STN1: variants seen among roughly 807,000 people sequenced by gnomAD.
STN1 encodes the protein STN1 subunit of CST complex, also known as CST complex subunit STN1.
STN1 carries 29 observed loss-of-function variants against 45.5 expected under a neutral mutation model. The ratio of observed to expected loss-of-function variants is 0.64; its 90% confidence interval spans 0.47 to 0.87. The LOEUF is 0.87. Ranked by LOEUF, STN1 falls within the 40% of genes least tolerant of loss-of-function variation. STN1 has a pLI of 0.00. For missense variants in STN1, 376 were observed against 441.4 expected (o/e 0.85, Z 1.33); for synonymous variants, 148 against 159.0 (o/e 0.93, Z 0.52).
chr10:103,896,028 C>G (rs1162179945), intron 7 of STN1, among the ~76,000 whole-genome samples: 2 of 152,180 alleles, frequency 1.3e-5, no homozygotes, highest in Non-Finnish European at 2.9e-5. Context: ...AGAGTACACA[C>G]AAGCACAGAC....
rs1458539199 is a variant in STN1 at position 103,900,061 on chromosome 10, C to T, written c.457+1G>A. ...ATTTGGTAGAAATATCTTGTGCTTA[C>T]AGTAAGTGGTGGCATGAATCTCTCG... On this transcript the variant is annotated splice_donor_variant, in intron 5 of 9. Transcript: ENST00000224950. LOFTEE classifies it high-confidence loss of function. The T allele has an allele frequency of 6.2e-7, 1 of 1,613,636 alleles. No individual in the cohort carries two copies. Among genetic ancestry groups the T allele is most frequent in the Admixed American group, 1.7e-5 (1 of 59,958 alleles).
At position 103,900,915 on chromosome 10, in the gene STN1, A is replaced by G. The variant is rs1843206286; in HGVS notation, c.296-692T>C. ...ATCGTCACGAATGTCTGGGTACTAT[A>G]GATGCTGTTCTAAGGAGTTTACAAT... On this transcript the variant is annotated intron_variant, in intron 4 of 9. Transcript: ENST00000224950. 2.0e-5 allele frequency among the ~76,000 whole-genome samples: 3 copies of G among 152,204 alleles called. No homozygotes were observed. The South Asian group carries it at 6.2e-4, about 32-fold the overall frequency.
intron 3 of STN1, among the ~76,000 whole-genome samples, chr10:103,909,105 GAAT>G (rs1564634830): frequency 6.6e-6 from 1 of 151,612 alleles, no homozygotes; most frequent in East Asian, 1.9e-4. Context: ...ACTAGAGGGA[GAAT>G]AATATGAAAT....
chr10:103,915,851 T>A (rs370111042), intron 2 of STN1, among the ~76,000 whole-genome samples: 1 of 152,022 alleles, frequency 6.6e-6, no homozygotes, highest in Non-Finnish European at 1.5e-5. Context: ...CTGTTCCACC[T>A]CAGATCATGA....
intron 2 of STN1, among the ~76,000 whole-genome samples, chr10:103,915,651 T>C (rs988698189): frequency 1.3e-5 from 2 of 152,194 alleles, no homozygotes; most frequent in African/African-American, 2.4e-5. Context: ...TTTTATGTAG[T>C]CAAAAGTTTT....
chr10:103,916,104 G>C (rs1314754940), intron 2 of STN1, among the ~76,000 whole-genome samples: 7 of 152,226 alleles, frequency 4.6e-5, no homozygotes, highest in African/African-American at 1.7e-4. Context: ...TATCCAATCT[G>C]TCAGCTGATG....
intron 9 of STN1, among the ~76,000 whole-genome samples, chr10:103,883,263 T>TA (rs1843082616): frequency 6.6e-6 from 1 of 152,184 alleles, no homozygotes; most frequent in African/African-American, 2.4e-5. Flanking sequence ...AGCCTCCGTA[T>TA]GCTTCCCCCT....
intron 9 of STN1, 118 bp from the exon 10 acceptor site, chr10:103,882,959 AT>A: frequency 1.0e-6 from 1 of 988,468 alleles, no homozygotes; most frequent in Non-Finnish European, 1.4e-6. Flanking sequence ...CTTTATGCAC[AT>A]TAAAGTCAGA....
chr10:103,917,654 C>T lies in STN1; in HGVS notation c.-60G>A. On this transcript the variant is annotated splice_region_variant and 5_prime_UTR_variant, in exon 2 of 10. It removes an upstream start codon present in the reference 5' UTR. Transcript: ENST00000224950. ...AAAGGTTCTGCATCACTGAGTCAAG[C>T]ATCTAGATGGGACACAGAAATGAGG... The T allele has an allele frequency of 1.3e-6, 2 of 1,573,688 alleles. No homozygotes were observed. The highest frequency in any genetic ancestry group is 1.7e-6 in the Non-Finnish European group (2 of 1,156,140).
At chr10:103,903,185 T>C (rs1412844947) in intron 4 of STN1, among the ~76,000 whole-genome samples, 1 of 152,224 alleles carries the variant, frequency 6.6e-6, no homozygotes, top group Non-Finnish European at 1.5e-5. Context: ...GTACTACCTA[T>C]GGTTACTTTC....
At chr10:103,915,426 A>G (rs768319794) in intron 2 of STN1, among the ~76,000 whole-genome samples, 3 of 152,184 alleles carry the variant, frequency 2.0e-5, no homozygotes, top group Non-Finnish European at 4.4e-5. Flanking sequence ...TGATTCGCAT[A>G]AATTCAAGTG....
chr10:103,888,465 C>A (rs1843117763), intron 9 of STN1, among the ~76,000 whole-genome samples: 1 of 152,180 alleles, frequency 6.6e-6, no homozygotes, highest in South Asian at 2.1e-4. Flanking sequence ...GTCAGAGTAG[C>A]TACAGTTTCA....
chr10:103,911,668 T>A (rs959228240), intron 2 of STN1, among the ~76,000 whole-genome samples: 1 of 152,108 alleles, frequency 6.6e-6, no homozygotes, highest in African/African-American at 2.4e-5. Context: ...CCACACCCAG[T>A]CAAGTCCTTT....
rs1843342986 is a variant in STN1, at chr10:103,917,613, C to G, written c.-19G>C. The G allele has an allele frequency of 6.2e-7, 1 of 1,610,838 alleles. No individual in the cohort carries two copies. The highest frequency in any genetic ancestry group is 1.7e-5 in the Admixed American group (1 of 59,312). On this transcript the variant is annotated 5_prime_UTR_variant, in exon 2 of 10. Transcript: ENST00000224950. ...GCTGCATCAAGAGGCAGGGCTGTGG[C>G]TTCCAGCTAACTCTGAAAGGTTCTG...
chr10:103,908,403 A>T (rs1240849565), intron 3 of STN1, among the ~76,000 whole-genome samples: 1 of 98,216 alleles, frequency 1.0e-5, no homozygotes, highest in Non-Finnish European at 2.1e-5. Flanking sequence ...GCTACACAGT[A>T]CCGCCTGGGC....
intron 8 of STN1, among the ~76,000 whole-genome samples, chr10:103,891,929 T>C (rs891482237): frequency 6.6e-6 from 1 of 152,224 alleles, no homozygotes; most frequent in African/African-American, 2.4e-5. Context: ...AGTAGACCCA[T>C]GCAATTCAAA....
At chr10:103,900,004 G>T in intron 5 of STN1, 58 bp downstream of exon 5, 1 of 1,549,346 alleles carries the variant, frequency 6.5e-7, no homozygotes. Context: ...TGAACAAGAG[G>T]TTTACTGGAC....
chr10:103,909,334 A>G (rs1476908665), intron 3 of STN1, among the ~76,000 whole-genome samples: 1 of 140,636 alleles, frequency 7.1e-6, no homozygotes, highest in East Asian at 2.0e-4. Context: ...AATTTCTGAC[A>G]GGATGATCCT....
rs552610839 is a variant in STN1, at chr10:103,896,393, G to A, written c.753+1155C>T. 3.9e-4 allele frequency among the ~76,000 whole-genome samples: 59 copies of A among 152,230 alleles called. No individual in the cohort carries two copies. The South Asian group carries it at 5.8e-3, about 15-fold the overall frequency. ...CACGTGGCAATCAGAGCAGCTAGAC[G>A]GCCAGGGAGGGCAAGGAGGGACATT... On this transcript the variant is annotated intron_variant, in intron 7 of 9. Coordinates refer to ENST00000224950, the MANE Select transcript of STN1 (RefSeq NM_024928.5).
Sources: gnomAD v4.1 joint callset for allele counts (sites outside exome capture counted in the v4.1 genomes callset) on GRCh38, gnomAD v4.1.1 for gene constraint, MANE v1.5 for transcripts, NCBI Gene and HGNC (gene_info 2026-07-23, HGNC 2026-07-21) for gene names.